KLRD1: variants seen among roughly 807,000 people sequenced by gnomAD.
The protein encoded by KLRD1 is natural killer cells antigen CD94.
In KLRD1, 21 loss-of-function variants were observed where a neutral mutation model predicts 22.6. That is an observed-to-expected ratio of 0.93 (90% CI 0.66 to 1.34). The LOEUF is 1.34. Among genes scored for constraint, KLRD1 ranks in the 40% most tolerant of loss-of-function variants. The probability of loss-of-function intolerance (pLI) is 0.00; values close to 1 mark genes in which losing one functional copy is unlikely to be tolerated. For missense variants in KLRD1, 183 were observed against 208.6 expected, an observed-to-expected ratio of 0.88 and a Z score of 0.76; for synonymous variants, 59 against 71.1, an observed-to-expected ratio of 0.83 and a Z score of 0.85.
At position 10,289,092 on chromosome 12, in the gene KLRD1, CAG is replaced by C. The variant is rs547072658; in HGVS notation, c.-100-18885_-100-18884del. Among the ~76,000 whole-genome samples, 392 of 152,322 alleles carry C rather than the reference CAG, an allele frequency of 2.6e-3. 2 individuals are homozygous for C. Among genetic ancestry groups the C allele is most frequent in the Non-Finnish European group, 3.8e-3 (259 of 68,026 alleles). On this transcript the variant is annotated intron_variant, in intron 1 of 5. Transcript: ENST00000544747. ...AGACAGTTTTGCCTAAAGGCTAAGACAGGGGCTCAGTTCCACTTCACTGACAC... is the reference window on the plus strand; with the variant it reads ...AGACAGTTTTGCCTAAAGGCTAAGACGGGCTCAGTTCCACTTCACTGACAC...
At chr12:10,292,560 A>G (rs960678031) in intron 1 of KLRD1, among the ~76,000 whole-genome samples, 40 of 152,194 alleles carry the variant, frequency 2.6e-4, no homozygotes, top group Non-Finnish European at 4.9e-4. Flanking sequence ...TTTTCTGAGC[A>G]CTATGTCTCA....
chr12:10,240,536 A>C (rs1949231883), intron 1 of KLRD1, among the ~76,000 whole-genome samples: 1 of 152,128 alleles, frequency 6.6e-6, no homozygotes, highest in South Asian at 2.1e-4. Flanking sequence ...TTTGTTATGA[A>C]AAAATGTAAA....
At chr12:10,284,472 CA>C (rs1949681100) in intron 1 of KLRD1, among the ~76,000 whole-genome samples, 1 of 152,112 alleles carries the variant, frequency 6.6e-6, no homozygotes, top group Admixed American at 6.5e-5. Flanking sequence ...TCTCTGTAAA[CA>C]AAATGTTTTC....
At chr12:10,263,984 C>T (rs1004808354) in intron 1 of KLRD1, among the ~76,000 whole-genome samples, 3 of 152,006 alleles carry the variant, frequency 2.0e-5, no homozygotes, top group East Asian at 1.9e-4. Flanking sequence ...CTTAGTTGAA[C>T]GTGAAACAAC....
chr12:10,269,296 G>C (rs368055945), intron 1 of KLRD1, among the ~76,000 whole-genome samples: 1 of 151,896 alleles, frequency 6.6e-6, no homozygotes, highest in Non-Finnish European at 1.5e-5. Flanking sequence ...GATTACAGGC[G>C]GTTGCCACCA....
intron 1 of KLRD1, among the ~76,000 whole-genome samples, chr12:10,285,695 A>G (rs1479582047): frequency 6.6e-6 from 1 of 152,216 alleles, no homozygotes; most frequent in African/African-American, 2.4e-5. Context: ...GTTAAAAATC[A>G]TCTCATAGAA....
intron 1 of KLRD1, among the ~76,000 whole-genome samples, chr12:10,241,501 G>T (rs1949240577): frequency 6.6e-6 from 1 of 152,050 alleles, no homozygotes; most frequent in Non-Finnish European, 1.5e-5. Context: ...ATCTTTCTTG[G>T]TTACATTTCA....
At chr12:10,240,968 A>G (rs1048234095) in intron 1 of KLRD1, among the ~76,000 whole-genome samples, 10 of 151,990 alleles carry the variant, frequency 6.6e-5, no homozygotes, top group Admixed American at 2.0e-4. Context: ...TCTTTTTTCT[A>G]TATATATCCT....
chr12:10,244,652 G>A (rs1430154604), intron 1 of KLRD1, among the ~76,000 whole-genome samples: 1 of 151,828 alleles, frequency 6.6e-6, no homozygotes, highest in Admixed American at 6.6e-5. Flanking sequence ...GCATGGTGGT[G>A]GACGCCTGTA....
chr12:10,267,634 G>A (rs1030015580), intron 1 of KLRD1, among the ~76,000 whole-genome samples: 18 of 152,248 alleles, frequency 1.2e-4, no homozygotes, highest in African/African-American at 2.9e-4. Context: ...GAAATTTGGC[G>A]TAATTATAAG....
chr12:10,266,029 T>A (rs1186058524), intron 1 of KLRD1, among the ~76,000 whole-genome samples: 5 of 152,184 alleles, frequency 3.3e-5, no homozygotes, highest in Non-Finnish European at 7.3e-5. Flanking sequence ...GTATATATAT[T>A]TTTTGACCGT....
At chr12:10,288,729 A>G (rs551696261) in intron 1 of KLRD1, among the ~76,000 whole-genome samples, 10 of 152,368 alleles carry the variant, frequency 6.6e-5, no homozygotes, top group Admixed American at 5.2e-4. Flanking sequence ...TTAAATATCA[A>G]TTATAGACTA....
intron 1 of KLRD1, among the ~76,000 whole-genome samples, chr12:10,297,530 T>C (rs996217331): frequency 2.0e-5 from 3 of 152,206 alleles, no homozygotes; most frequent in Admixed American, 6.5e-5. Context: ...TATGCTTTCT[T>C]ATTTTAATAT....
upstream of KLRD1, among the ~76,000 whole-genome samples, chr12:10,302,772 C>CA (rs201926634): frequency 0.16 from 20,729 of 131,562 alleles, 1,911 homozygotes; most frequent in East Asian, 0.32. Context: ...AAAAACACCT[C>CA]AAAAAAAAAA....
At chr12:10,256,154 C>T (rs1949393312) in intron 1 of KLRD1, among the ~76,000 whole-genome samples, 1 of 151,804 alleles carries the variant, frequency 6.6e-6, no homozygotes, top group Non-Finnish European at 1.5e-5. Flanking sequence ...TTACTCTTTG[C>T]TTGGAATATC....
At chr12:10,266,823 A>C (rs1374741486) in intron 1 of KLRD1, among the ~76,000 whole-genome samples, 1 of 145,912 alleles carries the variant, frequency 6.9e-6, no homozygotes, top group Non-Finnish European at 1.5e-5. Context: ...TGATACATTT[A>C]CTTTATAAAA....
chr12:10,280,411 T>C (rs769798939), intron 1 of KLRD1, among the ~76,000 whole-genome samples: 3 of 152,214 alleles, frequency 2.0e-5, no homozygotes, highest in Non-Finnish European at 4.4e-5. Flanking sequence ...TAGGAAAATA[T>C]ACAGCAGAAT....
chr12:10,303,833 G>T (rs1048459732), upstream of KLRD1, among the ~76,000 whole-genome samples: 1 of 152,158 alleles, frequency 6.6e-6, no homozygotes, highest in Non-Finnish European at 1.5e-5. Flanking sequence ...TGGTATGAGG[G>T]TGGCAAAGTT....
chr12:10,273,059 G>A (rs1437767456), intron 1 of KLRD1, among the ~76,000 whole-genome samples: 1 of 151,932 alleles, frequency 6.6e-6, no homozygotes, highest in African/African-American at 2.4e-5. Flanking sequence ...CTATTCCCTC[G>A]ATATAATCTC....
Sources: gnomAD v4.1 joint callset for allele counts (sites outside exome capture counted in the v4.1 genomes callset) on GRCh38, gnomAD v4.1.1 for gene constraint, MANE v1.5 for transcripts, NCBI Gene and HGNC (gene_info 2026-07-23, HGNC 2026-07-21) for gene names.